TMEM232: variants seen among roughly 807,000 people sequenced by gnomAD.
The protein encoded by TMEM232 is transmembrane protein 232.
In TMEM232, 80 loss-of-function variants were observed where a neutral mutation model predicts 78.8. The observed-to-expected ratio is 1.01, with a 90% CI of 0.85 to 1.22. The LOEUF (loss-of-function observed/expected upper bound fraction) is 1.22. TMEM232 is among the 50% of genes most tolerant of loss of function. The pLI, the probability that TMEM232 is intolerant of heterozygous loss-of-function variation, is 0.00. For missense variants in TMEM232, 881 were observed against 742.2 expected (o/e 1.19, Z -2.17); for synonymous variants, 297 against 254.3 (o/e 1.17, Z -1.60).
chr5:110,738,160 T>A, upstream of TMEM232: 2 of 1,206,100 alleles, frequency 1.7e-6, no homozygotes, highest in Non-Finnish European at 2.1e-6. Flanking sequence ...TCCAACGAGT[T>A]GAAGGAACAT....
intron 12 of TMEM232, among the ~76,000 whole-genome samples, chr5:110,474,781 A>C (rs993102687): frequency 3.9e-5 from 6 of 152,028 alleles, no homozygotes; most frequent in African/African-American, 1.2e-4. Flanking sequence ...TAAAAATTTA[A>C]AAGATGTCAT....
intron 1 of TMEM232, among the ~76,000 whole-genome samples, chr5:110,694,431 C>T (rs548089537): frequency 1.2e-4 from 18 of 152,038 alleles, no homozygotes; most frequent in Non-Finnish European, 2.2e-4. Flanking sequence ...ATCATAATGA[C>T]GGGATCAAAT....
chr5:110,561,442 T>G (rs1775734562), intron 11 of TMEM232, among the ~76,000 whole-genome samples: 1 of 152,014 alleles, frequency 6.6e-6, no homozygotes, highest in Non-Finnish European at 1.5e-5. Flanking sequence ...TTATGAGAAT[T>G]AAATAATTAA....
intron 12 of TMEM232, among the ~76,000 whole-genome samples, chr5:110,443,049 G>A (rs1333364067): frequency 6.6e-6 from 1 of 152,122 alleles, no homozygotes; most frequent in East Asian, 1.9e-4. Context: ...GCACAGCACT[G>A]GGTCCCACCC....
chr5:110,482,498 T>C lies in TMEM232; in HGVS notation c.1703+46090A>G, dbSNP rs979929938. On this transcript the variant is annotated intron_variant, in intron 12 of 13. Transcript: ENST00000455884. Reference sequence around the variant, plus strand: ...CGGGAGGCTGAGGCAGGAGAATCACTTGAACCCAGGAGGCGGATGTTGCAG... The same window carrying C: ...CGGGAGGCTGAGGCAGGAGAATCACCTGAACCCAGGAGGCGGATGTTGCAG... Among the ~76,000 whole-genome samples the C allele has an allele frequency of 1.1e-4, 17 of 151,864 alleles. No homozygotes were observed. In the East Asian group the frequency reaches 2.3e-3, roughly 21 times the overall value.
intron 4 of TMEM232, among the ~76,000 whole-genome samples, chr5:110,640,263 A>G (rs1786483548): frequency 6.6e-6 from 1 of 152,196 alleles, no homozygotes; most frequent in Admixed American, 6.5e-5. Context: ...ATTCCCAGAT[A>G]GCACTACAAA....
chr5:110,631,221 G>A (rs968164778), intron 5 of TMEM232, among the ~76,000 whole-genome samples: 16 of 152,220 alleles, frequency 1.1e-4, no homozygotes, highest in East Asian at 1.9e-4. Context: ...ATGGTGCAGC[G>A]CATTAACATG....
chr5:110,486,199 T>C (rs1028629455), intron 12 of TMEM232, among the ~76,000 whole-genome samples: 2 of 152,006 alleles, frequency 1.3e-5, no homozygotes, highest in Admixed American at 6.6e-5. Flanking sequence ...TTTGAGTTCA[T>C]TGTAGATTCT....
At chr5:110,398,768 C>T (rs895675757) in intron 2 of TMEM232, among the ~76,000 whole-genome samples, 6 of 151,652 alleles carry the variant, frequency 4.0e-5, no homozygotes, top group Admixed American at 1.3e-4. Flanking sequence ...TTTTTTCATT[C>T]CATAGAATTT....
intron 12 of TMEM232, among the ~76,000 whole-genome samples, chr5:110,481,387 G>GA (rs950745062): frequency 6.6e-6 from 1 of 151,970 alleles, no homozygotes; most frequent in Non-Finnish European, 1.5e-5. Flanking sequence ...TCTTCCTTTG[G>GA]AAAAAACTTT....
intron 5 of TMEM232, chr5:110,628,810 G>C (rs2149957151): frequency 6.6e-6 from 1 of 151,942 alleles, no homozygotes; most frequent in Admixed American, 6.6e-5. Flanking sequence ...CATCATCCAA[G>C]ACTATAAAGT....
At chr5:110,736,024 T>C (rs1018368743) in intron 1 of TMEM232, among the ~76,000 whole-genome samples, 1 of 152,204 alleles carries the variant, frequency 6.6e-6, no homozygotes, top group Admixed American at 6.5e-5. Context: ...AGATATTAAA[T>C]GTTGTTTTAA....
At chr5:110,506,948 A>G (rs1580983329) in intron 12 of TMEM232, among the ~76,000 whole-genome samples, 1 of 152,092 alleles carries the variant, frequency 6.6e-6, no homozygotes, top group African/African-American at 2.4e-5. Context: ...TCTTGGGCCT[A>G]TAACTTTATC....
intron 12 of TMEM232, among the ~76,000 whole-genome samples, chr5:110,438,895 T>C (rs895833032): frequency 1.3e-5 from 2 of 152,136 alleles, no homozygotes; most frequent in Non-Finnish European, 2.9e-5. Context: ...GAGACTCATT[T>C]AACTATAACT....
intron 11 of TMEM232, among the ~76,000 whole-genome samples, chr5:110,565,894 T>C (rs951552951): frequency 8.6e-5 from 13 of 151,960 alleles, no homozygotes; most frequent in Admixed American, 3.3e-4. Context: ...TTTTATATCC[T>C]TTCTACAGTC....
chr5:110,493,001 G>A (rs189300126), intron 12 of TMEM232, among the ~76,000 whole-genome samples: 11 of 151,868 alleles, frequency 7.2e-5, no homozygotes, highest in Admixed American at 2.6e-4. Context: ...AAAGCCAGGA[G>A]TCATAGAAAA....
At chr5:110,665,415 T>C (rs1790429383) in intron 2 of TMEM232, among the ~76,000 whole-genome samples, 1 of 152,066 alleles carries the variant, frequency 6.6e-6, no homozygotes, top group Non-Finnish European at 1.5e-5. Context: ...GTAATTTACA[T>C]ACAAAAGAAG....
chr5:110,582,688 G>C (rs1470829116), intron 10 of TMEM232, among the ~76,000 whole-genome samples: 1 of 151,854 alleles, frequency 6.6e-6, no homozygotes, highest in Non-Finnish European at 1.5e-5. Context: ...CAAATAAAAG[G>C]CATCCAAATA....
chr5:110,537,231 C>A (rs903105026), intron 11 of TMEM232, among the ~76,000 whole-genome samples: 2 of 152,022 alleles, frequency 1.3e-5, no homozygotes, highest in Admixed American at 6.6e-5. Context: ...TGGCTGCATC[C>A]TCCACCACTG....
Sources: gnomAD v4.1 joint callset for allele counts (sites outside exome capture counted in the v4.1 genomes callset) on GRCh38, gnomAD v4.1.1 for gene constraint, MANE v1.5 for transcripts, NCBI Gene and HGNC (gene_info 2026-07-23, HGNC 2026-07-21) for gene names.